The following PSPC1 variants were observed in gnomAD, a reference collection of about 807,000 sequenced individuals.
The protein encoded by PSPC1 is paraspeckle protein 1.
PSPC1 carries 14 observed loss-of-function variants against 51.6 expected under a neutral mutation model. That is an observed-to-expected ratio of 0.27 (90% CI 0.18 to 0.42). PSPC1 has a LOEUF of 0.42. Among genes scored for constraint, PSPC1 ranks in the 10% least tolerant of loss-of-function variants. The pLI is 1.00. For synonymous variants in PSPC1, 193 were observed against 231.9 expected, an observed-to-expected ratio of 0.83 and a Z score of 1.53; for missense variants, 406 against 701.1, an observed-to-expected ratio of 0.58 and a Z score of 4.75.
At chr13:19,683,059 T>A (rs1358476284) in intron 6 of PSPC1, among the ~76,000 whole-genome samples, 1 of 151,684 alleles carries the variant, frequency 6.6e-6, no homozygotes, top group African/African-American at 2.4e-5. Flanking sequence ...CAGAGTGAGA[T>A]CCTGTCTCAA....
downstream of PSPC1, among the ~76,000 whole-genome samples, chr13:19,701,482 T>G (rs567526206): frequency 6.6e-6 from 1 of 152,246 alleles, no homozygotes; most frequent in Admixed American, 6.5e-5. Flanking sequence ...TGACTATTAT[T>G]TTACAATCTC....
chr13:19,714,911 G>A (rs530907274), intron 6 of PSPC1, among the ~76,000 whole-genome samples: 2 of 152,154 alleles, frequency 1.3e-5, no homozygotes, highest in Non-Finnish European at 2.9e-5. Flanking sequence ...TCCGTATAAA[G>A]TCAGGTCTTC....
intron 4 of PSPC1, among the ~76,000 whole-genome samples, chr13:19,745,487 T>G (rs192880828): frequency 6.6e-6 from 1 of 152,180 alleles, no homozygotes. Context: ...CAATTTAAAA[T>G]TGCACAAGTC....
At chr13:19,720,899 T>C (rs1377229688) in intron 6 of PSPC1, among the ~76,000 whole-genome samples, 3 of 152,068 alleles carry the variant, frequency 2.0e-5, no homozygotes, top group Non-Finnish European at 2.9e-5. Context: ...TCAATCTAAC[T>C]CAAATAAGTA....
chr13:19,775,524 G>A (rs1005117653), intron 1 of PSPC1, among the ~76,000 whole-genome samples: 4 of 152,164 alleles, frequency 2.6e-5, no homozygotes, highest in African/African-American at 9.7e-5. Flanking sequence ...ACAGTATAAG[G>A]ATTTGAGCAT....
chr13:19,767,128 G>C (rs1214189822), intron 2 of PSPC1, among the ~76,000 whole-genome samples: 3 of 151,666 alleles, frequency 2.0e-5, no homozygotes, highest in African/African-American at 7.3e-5. Context: ...AGCCAACATG[G>C]TGAAACCCCA....
At chr13:19,779,928 C>T (rs1164550309) in intron 1 of PSPC1, among the ~76,000 whole-genome samples, 82 of 113,854 alleles carry the variant, frequency 7.2e-4, no homozygotes, top group African/African-American at 9.9e-4. Context: ...CGGCCCCCCG[C>T]CCGGCCAGCC....
intron 3 of PSPC1, among the ~76,000 whole-genome samples, chr13:19,752,678 C>T (rs1167231029): frequency 2.0e-5 from 3 of 151,988 alleles, no homozygotes; most frequent in South Asian, 2.1e-4. Context: ...CTTCGCCTCC[C>T]GGGTTCGCAC....
rs1212662396 is a variant in PSPC1 at position 19,772,490 on chromosome 13, G to A, written c.426C>T (p.Leu142=). 2 of 1,614,114 alleles carry A rather than the reference G, an allele frequency of 1.2e-6. No homozygotes were observed. The highest frequency in any genetic ancestry group is 1.7e-6 in the Non-Finnish European group (2 of 1,180,024). The change falls in exon 2 of 9, where the codon CTC becomes CTT. Residue 142 remains leucine, a synonymous_variant. Coordinates refer to ENST00000338910, the MANE Select transcript of PSPC1 (RefSeq NM_001354909.2). ...AGCGAATCCGTAGAGGTCTGCTCTT[G>A]AGAATGGTGCCGTCCAGCTCTGCTT... is the stretch of plus-strand genomic sequence containing the variant. ...IAKAELDGTI[L]KSRPLRIRFA... is the part of the protein sequence containing the mutation.
chr13:19,729,824 A>G (rs1423534527), intron 6 of PSPC1, among the ~76,000 whole-genome samples: 1 of 152,192 alleles, frequency 6.6e-6, no homozygotes, highest in African/African-American at 2.4e-5. Context: ...TAAAGTGGTT[A>G]TACTTAAAGA....
At chr13:19,704,852 T>C (rs1880446654) in intron 8 of PSPC1, among the ~76,000 whole-genome samples, 1 of 152,228 alleles carries the variant, frequency 6.6e-6, no homozygotes, top group African/African-American at 2.4e-5. Flanking sequence ...TAAATATAAT[T>C]TAAAATTCTG....
At position 19,730,366 on chromosome 13, in the gene PSPC1, A is replaced by G. The variant is rs542417967; in HGVS notation, c.1053-22T>C. ...ATGTCTGAAAATTTTTCAAATAAAAATTTCAGCATCATAACATGTGGGCTG... is the reference window on the plus strand; with the variant it reads ...ATGTCTGAAAATTTTTCAAATAAAAGTTTCAGCATCATAACATGTGGGCTG... On this transcript the variant is annotated intron_variant, in intron 5 of 8. Coordinates refer to ENST00000338910, the MANE Select transcript of PSPC1 (RefSeq NM_001354909.2). 2.5e-6 allele frequency: 4 copies of G among 1,605,184 alleles called. No individual in the cohort carries two copies. The African/African-American group carries it at 5.3e-5, about 21-fold the overall frequency.
intron 3 of PSPC1, among the ~76,000 whole-genome samples, chr13:19,758,556 G>T (rs553014918): frequency 1.3e-5 from 2 of 152,208 alleles, no homozygotes; most frequent in South Asian, 2.1e-4. Context: ...TTTCCAGCTG[G>T]GCGTGGTGGC....
chr13:19,719,542 A>G lies in PSPC1; in HGVS notation c.1159-9943T>C, dbSNP rs1882520045. Reference sequence around the variant, plus strand: ...GTTGTTACTTGTTAAATACTAAATCAGAAATGGAGGCAACGACAAATAGAA... The same window carrying G: ...GTTGTTACTTGTTAAATACTAAATCGGAAATGGAGGCAACGACAAATAGAA... On this transcript the variant is annotated intron_variant, in intron 6 of 8. Transcript: ENST00000338910. Among the ~76,000 whole-genome samples, 3 of 152,226 alleles carry G rather than the reference A, an allele frequency of 2.0e-5. No individual in the cohort carries two copies. In the South Asian group the frequency reaches 6.2e-4, roughly 31 times the overall value.
intron 6 of PSPC1, among the ~76,000 whole-genome samples, chr13:19,684,554 C>CA (rs1877639867): frequency 6.6e-6 from 1 of 152,164 alleles, no homozygotes; most frequent in Non-Finnish European, 1.5e-5. Flanking sequence ...TAAAAAATAG[C>CA]ACCTTACTGT....
At chr13:19,699,812 C>A (rs1011807630), downstream of PSPC1, among the ~76,000 whole-genome samples, 1 of 151,912 alleles carries the variant, frequency 6.6e-6, no homozygotes, top group East Asian at 1.9e-4. Context: ...ATATTTACTG[C>A]CTTATTCTTG....
At chr13:19,722,979 C>T (rs549558666) in intron 6 of PSPC1, among the ~76,000 whole-genome samples, 69 of 152,002 alleles carry the variant, frequency 4.5e-4, no homozygotes, top group Non-Finnish European at 8.7e-4. Flanking sequence ...GATGTAGTGG[C>T]GAGCACCTGT....
In PSPC1 at chr13:19,730,213, T is replaced by A. The variant is rs765776067; in HGVS notation, c.1158+26A>T. On this transcript the variant is annotated intron_variant, in intron 6 of 8. Transcript: ENST00000338910. ...TCATAAACCTGAAAATATAAAATCA[T>A]TTTAGTTAACTAGTAGTTTACTTAC... 14 of 1,587,106 alleles carry A rather than the reference T, an allele frequency of 8.8e-6. 1 individual carries two copies. Among genetic ancestry groups the A allele is most frequent in the Non-Finnish European group, 1.2e-5 (14 of 1,156,880 alleles).
At chr13:19,710,814 T>C (rs1279312082) in intron 6 of PSPC1, among the ~76,000 whole-genome samples, 1 of 150,056 alleles carries the variant, frequency 6.7e-6, no homozygotes, top group African/African-American at 2.4e-5. Context: ...TTTAGAAGAT[T>C]TAAATACCAA....
Sources: gnomAD v4.1 joint callset for allele counts (sites outside exome capture counted in the v4.1 genomes callset) on GRCh38, gnomAD v4.1.1 for gene constraint, MANE v1.5 for transcripts, NCBI Gene and HGNC (gene_info 2026-07-23, HGNC 2026-07-21) for gene names.